The following WT1 variants were observed in gnomAD, a reference collection of about 807,000 sequenced individuals.
The protein encoded by WT1 is Wilms tumor protein.
In WT1, 8 loss-of-function variants were observed where a neutral mutation model predicts 60.8. The ratio of observed to expected loss-of-function variants is 0.13; its 90% CI spans 0.08 to 0.24. WT1 has a LOEUF of 0.24. WT1 is among the 10% of genes least tolerant of loss of function. WT1 has a pLI of 1.00. For synonymous variants in WT1, 312 were observed against 297.1 expected (o/e 1.05, Z -0.52); for missense variants, 568 against 711.8 (o/e 0.80, Z 2.30).
intron 1 of WT1, among the ~76,000 whole-genome samples, chr11:32,431,740 A>C (rs1853319542): frequency 6.6e-6 from 1 of 151,494 alleles, no homozygotes; most frequent in South Asian, 2.1e-4. Context: ...CCTCCTCCTT[A>C]AGCCTTGCAT....
chr11:32,417,889 C>T, intron 3 of WT1, among the ~76,000 whole-genome samples: 1 of 152,060 alleles, frequency 6.6e-6, no homozygotes, highest in Non-Finnish European at 1.5e-5. Flanking sequence ...TTTTTTAAAA[C>T]CTTTGTATAG....
At chr11:32,399,741 C>T (rs1852089386) in intron 6 of WT1, among the ~76,000 whole-genome samples, 1 of 152,242 alleles carries the variant, frequency 6.6e-6, no homozygotes, top group Non-Finnish European at 1.5e-5. Flanking sequence ...TCTTGCGCAG[C>T]GTCAGGCAGC....
chr11:32,428,372 A>G, intron 2 of WT1, 125 bp downstream of exon 2: 3 of 1,512,316 alleles, frequency 2.0e-6, no homozygotes, highest in Non-Finnish European at 2.7e-6. Flanking sequence ...CATTGGGGTA[A>G]TGATTTCTAA....
chr11:32,428,727 CG>C (rs1853159337), intron 1 of WT1, 108 bp from the exon 2 acceptor site: 1 of 1,515,082 alleles, frequency 6.6e-7, no homozygotes, highest in African/African-American at 1.4e-5. Context: ...ACCCCGCATT[CG>C]GACCCCCAGC....
Position 32,434,851 on chromosome 11 carries a change from G to A in WT1, c.510C>T (p.Ser170=), listed in dbSNP as rs772890986. ...CTCCGGCTGTGCCAGTGAACTGGCC[G>A]GAAAAGTGGACAGTGAAGGCGCTCA... Residue 170 remains serine (S), a synonymous_variant, in exon 1 of 10, where the codon TCC becomes TCT. Coordinates refer to ENST00000452863, the MANE Select transcript of WT1 (RefSeq NM_024426.6). 22 of 1,612,454 alleles carry A rather than the reference G, an allele frequency of 1.4e-5. No individual in the cohort carries two copies. In the Admixed American group the frequency reaches 1.7e-4, roughly 12 times the overall value.
intron 1 of WT1, among the ~76,000 whole-genome samples, chr11:32,429,465 C>T (rs1315986479): frequency 3.2e-5 from 3 of 92,404 alleles, no homozygotes; most frequent in African/African-American, 1.4e-4. Context: ...CTAGCATTCC[C>T]CCCCCCCCCC....
At chr11:32,414,890 G>A (rs1043769408) in intron 5 of WT1, among the ~76,000 whole-genome samples, 46 of 146,538 alleles carry the variant, frequency 3.1e-4, no homozygotes, top group African/African-American at 9.2e-4. Flanking sequence ...AAAAAAAAAA[G>A]AAATACATTT....
At position 32,396,569 on chromosome 11, in the gene WT1, G is replaced by A. The variant is rs573201107; in HGVS notation, c.1114-162C>T. On this transcript the variant is annotated intron_variant, in intron 6 of 9. Transcript: ENST00000452863. ...CTCCAGATCCCCATGGCAGACATCA[G>A]TAATGGATGCTAGATCAGGACATTC... 4.6e-5 allele frequency among the ~76,000 whole-genome samples: 7 copies of A among 152,344 alleles called. No homozygotes were observed. In the East Asian group the frequency reaches 1.4e-3, roughly 29 times the overall value.
intron 5 of WT1, among the ~76,000 whole-genome samples, chr11:32,401,688 C>T (rs762058199): frequency 2.0e-5 from 3 of 152,124 alleles, no homozygotes; most frequent in South Asian, 2.1e-4. Flanking sequence ...TACAGGCGCA[C>T]GTCACCATAC....
intron 1 of WT1, 139 bp downstream of exon 1, chr11:32,434,561 C>T (rs1853423123): frequency 1.3e-6 from 2 of 1,494,414 alleles, no homozygotes; most frequent in Admixed American, 2.2e-5. Context: ...CCAGCCGCCG[C>T]TTCCGCTATC....
At chr11:32,423,045 G>A (rs1368396416) in intron 3 of WT1, among the ~76,000 whole-genome samples, 1 of 152,226 alleles carries the variant, frequency 6.6e-6, no homozygotes, top group Admixed American at 6.5e-5. Flanking sequence ...TCAGCAAAAA[G>A]ATGAGGCAAA....
rs1590410376 is a variant in WT1 at position 32,435,049 on chromosome 11, C to T, written c.312G>A (p.Ala104=). Residue 104 remains alanine, a synonymous_variant, in exon 1 of 10, where the codon GCG becomes GCA. Transcript: ENST00000452863. ...AGTCCAGCACCGGCGCCCACTGCGC[C>T]GCGCCGCTCACAGGCAGGGCACAGC... 4.8e-6 allele frequency: 7 copies of T among 1,464,950 alleles called. No individual in the cohort carries two copies. The highest frequency in any genetic ancestry group is 6.3e-6 in the Non-Finnish European group (7 of 1,119,854). 90.7% of individuals were successfully genotyped at this position (1,464,950 alleles called of 1,614,324 possible).
At chr11:32,406,066 T>C (rs1418520437) in intron 5 of WT1, among the ~76,000 whole-genome samples, 1 of 151,722 alleles carries the variant, frequency 6.6e-6, no homozygotes, top group African/African-American at 2.4e-5. Context: ...TAGAGGAGAG[T>C]TGGGGGAGTG....
intron 9 of WT1, among the ~76,000 whole-genome samples, chr11:32,390,231 T>A (rs542209138): frequency 6.6e-6 from 1 of 152,320 alleles, no homozygotes; most frequent in South Asian, 2.1e-4. Flanking sequence ...ATACTGCTGG[T>A]CCCACTTGGC....
rs1554946607 is a variant in WT1, at chr11:32,435,046, C to A, written c.315G>T (p.Ala105=). The change falls in exon 1 of 10, where the codon GCG becomes GCT. Residue 105 remains alanine, a synonymous_variant. Coordinates refer to ENST00000452863, the MANE Select transcript of WT1 (RefSeq NM_024426.6). ...CAAAGTCCAGCACCGGCGCCCACTG[C>A]GCCGCGCCGCTCACAGGCAGGGCAC... 1.4e-6 allele frequency: 2 copies of A among 1,463,996 alleles called. No homozygotes were observed. Among genetic ancestry groups the A allele is most frequent in the East Asian group, 2.8e-5 (1 of 35,972 alleles). 90.7% of individuals were successfully genotyped at this position (1,463,996 alleles called of 1,614,324 possible).
chr11:32,400,196 C>T, intron 5 of WT1, 152 bp from the exon 6 acceptor site: 1 of 898,068 alleles, frequency 1.1e-6, no homozygotes, highest in Non-Finnish European at 1.8e-6. Flanking sequence ...ACTTTAGATG[C>T]AGGGTTCTGC....
intron 6 of WT1, among the ~76,000 whole-genome samples, chr11:32,398,770 T>C (rs1160039260): frequency 1.3e-5 from 2 of 151,080 alleles, no homozygotes; most frequent in African/African-American, 4.9e-5. Context: ...AGGCCACAAA[T>C]AGACAAGGAG....
chr11:32,399,103 C>T (rs1852064232), intron 6 of WT1, among the ~76,000 whole-genome samples: 2 of 149,366 alleles, frequency 1.3e-5, no homozygotes, highest in South Asian at 2.1e-4. Flanking sequence ...TTGCAGTGAG[C>T]CAAGATAGCG....
At chr11:32,398,098 ACCGTCGTCAGATTT>A (rs1852028173) in intron 6 of WT1, among the ~76,000 whole-genome samples, 1 of 152,186 alleles carries the variant, frequency 6.6e-6, no homozygotes, top group African/African-American at 2.4e-5. Context: ...GTCTCCCTAA[ACCGTCGTCAGATTT>A]CCGTATTTCT....
Sources: gnomAD v4.1 joint callset for allele counts (sites outside exome capture counted in the v4.1 genomes callset) on GRCh38, gnomAD v4.1.1 for gene constraint, MANE v1.5 for transcripts, NCBI Gene and HGNC (gene_info 2026-07-23, HGNC 2026-07-21) for gene names.